CFAP43: variants seen among roughly 807,000 people sequenced by gnomAD.
The protein encoded by CFAP43 is cilia and flagella associated protein 43.
Under a neutral mutation model 218.9 loss-of-function variants are expected in CFAP43, and 155 were observed. That is an observed-to-expected ratio of 0.71 (90% CI 0.62 to 0.81). CFAP43 has a LOEUF of 0.81. Ranked by LOEUF, CFAP43 falls within the 30% of genes least tolerant of loss-of-function variation. The pLI, the probability that CFAP43 is intolerant of heterozygous loss-of-function variation, is 0.00. For missense variants in CFAP43, 1,778 were observed against 1,954.3 expected, an observed-to-expected ratio of 0.91 and a Z score of 1.70; for synonymous variants, 645 against 681.3, an observed-to-expected ratio of 0.95 and a Z score of 0.83.
At chr10:104,134,716 T>C (rs1181674187) in intron 34 of CFAP43, among the ~76,000 whole-genome samples, 1 of 151,868 alleles carries the variant, frequency 6.6e-6, no homozygotes, top group Non-Finnish European at 1.5e-5. Flanking sequence ...CTAAAACAAG[T>C]AAATAATTGA....
Position 104,161,983 on chromosome 10 carries a change from T to A in CFAP43, c.3392A>T (p.Lys1131Met), listed in dbSNP as rs778141714. Residue 1131 changes from lysine (K) to methionine (M), a missense_variant, in exon 26 of 38, where the codon AAG becomes ATG. Physicochemically the swap from Lys to Met is moderately conservative, Grantham distance 95. This residue lies in a region of CFAP43 where 1,553 missense variants were observed against 1,685.2 expected (regional missense o/e 0.92). Transcript: ENST00000357060. ...CACCATTCTCAAAATATCTTCCTTC[T>A]TGACTTCCAGAACTCCTCCCATCAT... ...MDMMGGVLEV[K>M]KEDILRMVIP... 1.2e-6 allele frequency: 2 copies of A among 1,613,806 alleles called. No homozygotes were observed.
intron 11 of CFAP43, chr10:104,192,612 G>A (rs979830980): frequency 7.0e-6 from 2 of 283,966 alleles, no homozygotes; most frequent in Non-Finnish European, 6.5e-6. Flanking sequence ...TGTTTCAAGC[G>A]CAAATAAGCA....
Position 104,166,666 on chromosome 10 carries a change from C to T in CFAP43, c.2861G>A (p.Arg954His), listed in dbSNP as rs149358391. 375 of 1,613,994 alleles carry T rather than the reference C, an allele frequency of 2.3e-4. No homozygotes were observed. The African/African-American group carries it at 3.1e-3, about 13-fold the overall frequency. The stretch of plus-strand genomic sequence containing the variant: ...CTCTTCTTCATCATCCTCTTCATGA[C>T]GCTGTTTAATCAACTTAACTCCAGA... ...AQSGVKLIKQ[R>H]HEEDDEEEEE... The change falls in exon 23 of 38, where the codon CGT becomes CAT. Residue 954 changes from arginine to histidine, a missense_variant. Around this residue, in one of 3 missense-constraint regions of CFAP43, gnomAD observed 1,553 missense variants for 1,685.2 expected, o/e 0.92. Transcript: ENST00000357060.
Position 104,140,828 on chromosome 10 carries a change from A to C in CFAP43, c.4431+14T>G, listed in dbSNP as rs1017407197. The C allele has an allele frequency of 1.3e-6, 2 of 1,572,940 alleles. No individual in the cohort carries two copies. Among genetic ancestry groups the C allele is most frequent in the African/African-American group, 2.8e-5 (2 of 72,360 alleles). On this transcript the variant is annotated intron_variant, in intron 34 of 37. Coordinates refer to ENST00000357060, the MANE Select transcript of CFAP43 (RefSeq NM_025145.7). ...AAGACCTTGAATTAAAATAAAAATAAAAAGTATAATTACCCGAATCACAGA... is the reference window on the plus strand; with the variant it reads ...AAGACCTTGAATTAAAATAAAAATACAAAGTATAATTACCCGAATCACAGA...
chr10:104,185,871 GT>G, intron 15 of CFAP43, 102 bp downstream of exon 15: 1 of 952,162 alleles, frequency 1.1e-6, no homozygotes, highest in African/African-American at 1.7e-5. Flanking sequence ...TCTTTTCAGA[GT>G]TTTTATGCAT....
At position 104,230,529 on chromosome 10, in the gene CFAP43, T is replaced by C. The variant is rs966753964; in HGVS notation, c.319+61A>G. On this transcript the variant is annotated intron_variant, in intron 2 of 37. Transcript: ENST00000357060. ...AAATAAATCTTCACTTATAATAGAT[T>C]TAGTCAACTCTTTAAACAAAATCCT... The C allele has an allele frequency of 3.9e-6, 6 of 1,540,934 alleles. No individual in the cohort carries two copies. The African/African-American group carries it at 5.6e-5, about 14-fold the overall frequency.
At position 104,214,175 on chromosome 10, in the gene CFAP43, T is replaced by G. The variant is rs960091628; in HGVS notation, c.584+84A>C. The stretch of plus-strand genomic sequence containing the variant: ...CATATATATGTATGTATAAAGCCAC[T>G]TAATTCATCAAATTGACCCAATCAC... On this transcript the variant is annotated intron_variant, in intron 4 of 37. Coordinates refer to ENST00000357060, the MANE Select transcript of CFAP43 (RefSeq NM_025145.7). 4 of 1,385,508 alleles carry G rather than the reference T, an allele frequency of 2.9e-6. No individual in the cohort carries two copies. The African/African-American group carries it at 5.8e-5, about 20-fold the overall frequency. 85.8% of individuals were successfully genotyped at this position (1,385,508 alleles called of 1,614,324 possible).
At chr10:104,141,062 C>T in intron 33 of CFAP43, 61 bp from the exon 34 acceptor site, 2 of 1,489,898 alleles carry the variant, frequency 1.3e-6, no homozygotes, top group African/African-American at 1.4e-5. Context: ...CACCTATTAT[C>T]TGAGAATATA....
chr10:104,223,026 G>C (rs1426328679), intron 3 of CFAP43, among the ~76,000 whole-genome samples: 1 of 152,196 alleles, frequency 6.6e-6, no homozygotes, highest in Non-Finnish European at 1.5e-5. Flanking sequence ...TGCCATCATA[G>C]AGCAAAAGCA....
At position 104,186,084 on chromosome 10, in the gene CFAP43, C is replaced by CT; in HGVS notation, c.1899dup (p.Val634SerfsTer25). On this transcript the variant is annotated frameshift_variant, in exon 15 of 38. Coordinates refer to ENST00000357060, the MANE Select transcript of CFAP43 (RefSeq NM_025145.7). LOFTEE classifies it high-confidence loss of function. ...CCAGGTCCATACTGTCTGCTTTGTA[C>CT]TTTTTTGTATGGTTTAAGAATGTAG... The CT allele has an allele frequency of 1.9e-6, 3 of 1,569,278 alleles. No individual in the cohort carries two copies. The highest frequency in any genetic ancestry group is 2.0e-5 in the Admixed American group (1 of 49,090).
At chr10:104,163,832 G>A (rs1204430800) in intron 24 of CFAP43, among the ~76,000 whole-genome samples, 1 of 152,228 alleles carries the variant, frequency 6.6e-6, no homozygotes, top group Admixed American at 6.5e-5. Flanking sequence ...GATGAAGATA[G>A]AAGGCTTCTG....
intron 19 of CFAP43, among the ~76,000 whole-genome samples, chr10:104,174,370 G>A (rs1460047326): frequency 6.6e-6 from 1 of 152,238 alleles, no homozygotes; most frequent in Non-Finnish European, 1.5e-5. Flanking sequence ...CAGCAGACAA[G>A]AGAAGAGAGC....
Position 104,132,655 on chromosome 10 carries a change from A to G in CFAP43, c.4597-459T>C, listed in dbSNP as rs1022650443. 7 of 985,304 alleles carry G rather than the reference A, an allele frequency of 7.1e-6. No individual in the cohort carries two copies. The African/African-American group carries it at 1.0e-4, about 15-fold the overall frequency. The allele number at this position is 985,304 out of a possible 1,614,324, so 61.0% of individuals were successfully genotyped here. On this transcript the variant is annotated intron_variant, in intron 35 of 37. Coordinates refer to ENST00000357060, the MANE Select transcript of CFAP43 (RefSeq NM_025145.7). ...AGATTGATTTGGCTTTTGTGCCATAATATTTCCCTGTATTTAGCCATCAAT... is the reference window on the plus strand; with the variant it reads ...AGATTGATTTGGCTTTTGTGCCATAGTATTTCCCTGTATTTAGCCATCAAT...
intron 5 of CFAP43, among the ~76,000 whole-genome samples, chr10:104,210,564 T>G (rs1436990812): frequency 6.6e-6 from 1 of 151,896 alleles, no homozygotes; most frequent in Non-Finnish European, 1.5e-5. Context: ...CATAGCAGGT[T>G]CAAGAGGGCC....
chr10:104,162,066 G>T, intron 25 of CFAP43, 25 bp from the exon 26 acceptor site: 2 of 1,604,422 alleles, frequency 1.2e-6, no homozygotes, highest in South Asian at 1.1e-5. Flanking sequence ...GAATCAGAGA[G>T]GAATACTGAG....
chr10:104,227,740 T>C (rs1205705542), intron 2 of CFAP43, among the ~76,000 whole-genome samples: 1 of 152,022 alleles, frequency 6.6e-6, no homozygotes, highest in Non-Finnish European at 1.5e-5. Flanking sequence ...AAAACAGATA[T>C]ACAATCAAAT....
rs1337731149 is a variant in CFAP43 at position 104,167,637 on chromosome 10, T to C, written c.2792A>G (p.Glu931Gly). ...LERVLQQKKI[E>G]AECLKLRKEI... is the part of the protein sequence containing the mutation. ...AAATAGTACTTTAAGACACTCTGCT[T>C]CAATCTTCTTTTGCTGTAAAACTCT... Residue 931 changes from glutamate (E) to glycine (G), a missense_variant, in exon 22 of 38, where the codon GAA becomes GGA. Glu to Gly is a moderately conservative substitution (Grantham distance 98). This residue lies in a region of CFAP43 where 1,553 missense variants were observed against 1,685.2 expected (regional missense o/e 0.92). Transcript: ENST00000357060. The C allele has an allele frequency of 6.2e-7, 1 of 1,609,486 alleles. No homozygotes were observed. Among genetic ancestry groups the C allele is most frequent in the Admixed American group, 1.7e-5 (1 of 58,414 alleles).
chr10:104,181,293 C>T (rs930606930), intron 17 of CFAP43, among the ~76,000 whole-genome samples: 11 of 152,066 alleles, frequency 7.2e-5, no homozygotes, highest in African/African-American at 2.7e-4. Flanking sequence ...TCTATCAACC[C>T]TACCTCTGAA....
intron 17 of CFAP43, among the ~76,000 whole-genome samples, chr10:104,181,387 C>T (rs2089838803): frequency 6.6e-6 from 1 of 152,200 alleles, no homozygotes; most frequent in Non-Finnish European, 1.5e-5. Context: ...GCCTTAGCCT[C>T]CTGAGCAATG....
Sources: gnomAD v4.1 joint callset for allele counts (sites outside exome capture counted in the v4.1 genomes callset) on GRCh38, gnomAD v4.1.1 for gene constraint, gnomAD v4.1.1 regional missense constraint, MANE v1.5 for transcripts, NCBI Gene and HGNC (gene_info 2026-07-23, HGNC 2026-07-21) for gene names.